Variants in SV2C observed in about 807,000 individuals in gnomAD.
SV2C encodes the protein solute carrier family 22 member B3.
A neutral mutation model predicts 79.7 loss-of-function variants in SV2C; 49 were observed. The observed-to-expected ratio is 0.61, with a 90% CI of 0.49 to 0.78. The LOEUF is 0.78. Among genes scored for constraint, SV2C ranks in the 30% least tolerant of loss-of-function variants. SV2C has a pLI of 0.00. For missense variants in SV2C, 833 were observed against 912.9 expected (o/e 0.91, Z 1.13); for synonymous variants, 334 against 333.2 (o/e 1.00, Z -0.03).
the SV2C span, among the ~76,000 whole-genome samples, chr5:76,049,151 CATG>C: frequency 6.6e-6 from 1 of 151,716 alleles, no homozygotes; most frequent in African/African-American, 2.4e-5. Context: ...TCCTGGCTAA[CATG>C]ATGAAACACC....
At chr5:75,915,989 T>G in the SV2C span, among the ~76,000 whole-genome samples, 2 of 152,084 alleles carry the variant, frequency 1.3e-5, no homozygotes, top group Admixed American at 1.3e-4. Context: ...ACAGGTAGTA[T>G]AGAGCTAGCT....
chr5:76,346,493 T>A (rs779870224), intron 12 of SV2C, among the ~76,000 whole-genome samples: 6 of 152,144 alleles, frequency 3.9e-5, no homozygotes, highest in Non-Finnish European at 7.3e-5. Flanking sequence ...CAACTTTAGG[T>A]GCCCTACAAA....
rs31270 is a variant in SV2C, at chr5:76,329,589, G to C, written c.*4042G>C. On this transcript the variant is annotated 3_prime_UTR_variant, in exon 13 of 13. Coordinates refer to ENST00000502798, the MANE Select transcript of SV2C (RefSeq NM_014979.4). Reference sequence around the variant, plus strand: ...GAGAGTCCAAGATACCACTGATAAGGTTCCAGCAAAGAGATTAGGACACAG... The same window carrying C: ...GAGAGTCCAAGATACCACTGATAAGCTTCCAGCAAAGAGATTAGGACACAG... The C allele has an allele frequency of 6.6e-6, 1 of 151,964 alleles. No homozygotes were observed. The highest frequency in any genetic ancestry group is 1.9e-4 in the East Asian group (1 of 5,194). 9.4% of individuals were successfully genotyped at this position (151,964 alleles called of 1,614,324 possible). A position where few individuals can be genotyped will look rare whatever the true frequency, so the allele number is the denominator to read the frequency against.
intron 12 of SV2C, among the ~76,000 whole-genome samples, chr5:76,349,957 T>C (rs1749617430): frequency 6.6e-6 from 1 of 152,222 alleles, no homozygotes; most frequent in African/African-American, 2.4e-5. Context: ...ACAGTTTTTC[T>C]GTGTCCACAC....
At chr5:75,974,551 ACT>A in the SV2C span, among the ~76,000 whole-genome samples, 1 of 151,840 alleles carries the variant, frequency 6.6e-6, no homozygotes, top group Non-Finnish European at 1.5e-5. Context: ...AACTCTCTCC[ACT>A]CTGTTTGGAA....
chr5:76,042,345 C>T, the SV2C span, among the ~76,000 whole-genome samples: 1 of 152,116 alleles, frequency 6.6e-6, no homozygotes, highest in Non-Finnish European at 1.5e-5. Context: ...TCCATTTCAC[C>T]ATCTAAAAAA....
At chr5:75,858,791 C>T in the SV2C span, among the ~76,000 whole-genome samples, 1 of 152,048 alleles carries the variant, frequency 6.6e-6, no homozygotes, top group Non-Finnish European at 1.5e-5. Flanking sequence ...TGTTATTGGT[C>T]TTTCAGGTTT....
At position 76,236,653 on chromosome 5, in the gene SV2C, A is replaced by G. The variant is rs546156820; in HGVS notation, c.913+26766A>G. On this transcript the variant is annotated intron_variant, in intron 4 of 12. Coordinates refer to ENST00000502798, the MANE Select transcript of SV2C (RefSeq NM_014979.4). ...TAACAACCAGCTCTTATCGGAACAA[A>G]TAAAGTGAGAACTCACTCATTTTCT... Among the ~76,000 whole-genome samples the G allele has an allele frequency of 4.6e-5, 7 of 152,330 alleles. No individual in the cohort carries two copies. The South Asian group carries it at 1.0e-3, about 23-fold the overall frequency.
chr5:75,980,990 A>T, the SV2C span, among the ~76,000 whole-genome samples: 1 of 152,330 alleles, frequency 6.6e-6, no homozygotes, highest in Admixed American at 6.5e-5. Context: ...AAAGCTTCTT[A>T]AGCTGATAAA....
the SV2C span, among the ~76,000 whole-genome samples, chr5:75,874,420 G>A: frequency 2.0e-5 from 3 of 152,136 alleles, no homozygotes; most frequent in East Asian, 1.9e-4. Flanking sequence ...AATAATAACA[G>A]CATCCATGAC....
At chr5:76,121,293 A>G (rs569650431) in intron 1 of SV2C, among the ~76,000 whole-genome samples, 18 of 152,210 alleles carry the variant, frequency 1.2e-4, no homozygotes, top group African/African-American at 3.4e-4. Context: ...AGTAGGTTGC[A>G]AAAATTTTCT....
At chr5:76,107,206 C>G (rs1399307217) in intron 1 of SV2C, among the ~76,000 whole-genome samples, 3 of 152,136 alleles carry the variant, frequency 2.0e-5, no homozygotes, top group Non-Finnish European at 4.4e-5. Context: ...AACAACAAGT[C>G]AAAATATTCT....
intron 2 of SV2C, among the ~76,000 whole-genome samples, chr5:76,143,681 G>A (rs1279851133): frequency 6.6e-6 from 1 of 152,248 alleles, no homozygotes; most frequent in Non-Finnish European, 1.5e-5. Context: ...CAGTGTGGGG[G>A]AAACAGAAGA....
At chr5:76,087,265 T>G (rs1747229034) in intron 1 of SV2C, among the ~76,000 whole-genome samples, 1 of 152,218 alleles carries the variant, frequency 6.6e-6, no homozygotes, top group African/African-American at 2.4e-5. Flanking sequence ...CAATTTAGTG[T>G]GACATTTAAA....
At chr5:75,875,403 T>C in the SV2C span, among the ~76,000 whole-genome samples, 1 of 152,164 alleles carries the variant, frequency 6.6e-6, no homozygotes, top group South Asian at 2.1e-4. Flanking sequence ...GCTGGACCCC[T>C]TTCTTACACT....
chr5:76,018,639 T>A, the SV2C span, among the ~76,000 whole-genome samples: 1 of 152,216 alleles, frequency 6.6e-6, no homozygotes, highest in Non-Finnish European at 1.5e-5. Context: ...TTTTCAATAA[T>A]GTATCAATGG....
At chr5:76,197,646 G>T (rs529530608) in intron 3 of SV2C, among the ~76,000 whole-genome samples, 97 of 150,496 alleles carry the variant, frequency 6.4e-4, no homozygotes, top group Non-Finnish European at 1.0e-3. Context: ...AATCTATATT[G>T]GTCAGCATTC....
At chr5:76,192,600 A>G (rs1211741285) in intron 2 of SV2C, among the ~76,000 whole-genome samples, 3 of 152,208 alleles carry the variant, frequency 2.0e-5, no homozygotes, top group Admixed American at 1.3e-4. Flanking sequence ...GTGTCTGACA[A>G]TCCCAGAGTG....
intron 3 of SV2C, among the ~76,000 whole-genome samples, chr5:76,203,343 T>C (rs1253524141): frequency 6.6e-6 from 1 of 150,572 alleles, no homozygotes. Context: ...AAATGAAGGG[T>C]GGGTGGGAGG....
Sources: gnomAD v4.1 joint callset for allele counts (sites outside exome capture counted in the v4.1 genomes callset) on GRCh38, gnomAD v4.1.1 for gene constraint, MANE v1.5 for transcripts, NCBI Gene and HGNC (gene_info 2026-07-23, HGNC 2026-07-21) for gene names.